The following KIF3A variants were observed in gnomAD, a reference collection of about 807,000 sequenced individuals.
The protein encoded by KIF3A is kinesin-like protein KIF3A.
A neutral mutation model predicts 92.6 loss-of-function variants in KIF3A; 27 were observed. The ratio of observed to expected loss-of-function variants is 0.29; its 90% CI spans 0.21 to 0.40. The LOEUF (loss-of-function observed/expected upper bound fraction) is 0.40. Among genes scored for constraint, KIF3A ranks in the 10% least tolerant of loss-of-function variants. KIF3A has a pLI of 1.00. For missense variants in KIF3A, 581 were observed against 872.6 expected (o/e 0.67, Z 4.21); for synonymous variants, 250 against 275.4 (o/e 0.91, Z 0.92).
chr5:132,734,990 A>C (rs1426084266), intron 1 of KIF3A, among the ~76,000 whole-genome samples: 1 of 152,238 alleles, frequency 6.6e-6, no homozygotes, highest in African/African-American at 2.4e-5. Context: ...TAAAGACAGA[A>C]ATGAAAGTCT....
chr5:132,724,769 G>T, intron 4 of KIF3A, among the ~76,000 whole-genome samples: 1 of 127,326 alleles, frequency 7.9e-6, no homozygotes, highest in African/African-American at 3.1e-5. Context: ...TCGTGCACAT[G>T]TACCCTAGAA....
At chr5:132,724,812 TATATATATATATATATATATATATATA>T (rs1753971671) in intron 4 of KIF3A, among the ~76,000 whole-genome samples, 1 of 12,456 alleles carries the variant, frequency 8.0e-5, no homozygotes, top group African/African-American at 2.4e-4. Flanking sequence ...AAAAAATATA[TATATATATATATATATATATATATATA>T]TATATATATA....
chr5:132,697,344 C>T lies in KIF3A; in HGVS notation c.2133-662G>A, dbSNP rs77655822. On this transcript the variant is annotated intron_variant, in intron 18 of 18. Transcript: ENST00000403231. ...TTGGCTCATATAATGTTGGGCCACACGATTTTTTTAATGTTAAACTAAAAA... is the reference window on the plus strand; with the variant it reads ...TTGGCTCATATAATGTTGGGCCACATGATTTTTTTAATGTTAAACTAAAAA... Among the ~76,000 whole-genome samples the T allele has an allele frequency of 3.4e-4, 52 of 150,900 alleles. No homozygotes were observed. The East Asian group carries it at 9.7e-3, about 28-fold the overall frequency.
At chr5:132,703,648 A>G in intron 11 of KIF3A, 29 bp from the exon 12 acceptor site, 1 of 1,536,660 alleles carries the variant, frequency 6.5e-7, no homozygotes, top group South Asian at 1.2e-5. Context: ...TGCAACAATC[A>G]CTAAAATGAA....
chr5:132,716,716 A>G (rs1753638232), intron 6 of KIF3A, 129 bp downstream of exon 6: 1 of 1,031,266 alleles, frequency 9.7e-7, no homozygotes, highest in Non-Finnish European at 1.4e-6. Context: ...ATAATAAATA[A>G]TAAACATACA....
At chr5:132,709,809 A>AT (rs534053676) in intron 9 of KIF3A, among the ~76,000 whole-genome samples, 123 of 152,358 alleles carry the variant, frequency 8.1e-4, no homozygotes, top group Middle Eastern at 3.4e-3. Context: ...TTTTAATAAA[A>AT]TTTTATTTAC....
At chr5:132,698,487 TG>T (rs1752912954) in intron 18 of KIF3A, among the ~76,000 whole-genome samples, 1 of 152,144 alleles carries the variant, frequency 6.6e-6, no homozygotes, top group South Asian at 2.1e-4. Flanking sequence ...TCAAGGTTCT[TG>T]GGGCACCTGA....
At chr5:132,709,392 G>C (rs1186097151) in intron 9 of KIF3A, among the ~76,000 whole-genome samples, 2 of 152,146 alleles carry the variant, frequency 1.3e-5, no homozygotes, top group African/African-American at 4.8e-5. Context: ...TTATAGGAGT[G>C]ATAAATTACC....
intron 2 of KIF3A, among the ~76,000 whole-genome samples, chr5:132,732,023 G>A (rs1754249317): frequency 6.6e-6 from 1 of 151,950 alleles, no homozygotes; most frequent in South Asian, 2.1e-4. Flanking sequence ...ATTCTTACAA[G>A]TAGAAAATCC....
intron 1 of KIF3A, among the ~76,000 whole-genome samples, chr5:132,736,513 A>G (rs989627417): frequency 2.0e-5 from 3 of 152,228 alleles, no homozygotes; most frequent in African/African-American, 7.2e-5. Context: ...TCCAAGTTCA[A>G]GAACCTGACT....
intron 1 of KIF3A, among the ~76,000 whole-genome samples, chr5:132,734,691 G>A (rs1257617156): frequency 6.6e-6 from 1 of 152,192 alleles, no homozygotes; most frequent in African/African-American, 2.4e-5. Context: ...CTTTTAAAAT[G>A]TAAAAGGGAG....
At chr5:132,729,405 T>C (rs1207347859) in intron 2 of KIF3A, among the ~76,000 whole-genome samples, 1 of 152,128 alleles carries the variant, frequency 6.6e-6, no homozygotes, top group South Asian at 2.1e-4. Flanking sequence ...TGAGCCGTTA[T>C]AGTGCCACTG....
At chr5:132,732,201 C>T (rs1346945375) in intron 2 of KIF3A, among the ~76,000 whole-genome samples, 1 of 152,166 alleles carries the variant, frequency 6.6e-6, no homozygotes, top group Admixed American at 6.5e-5. Flanking sequence ...AAATCAGAAA[C>T]CTCACACATT....
At chr5:132,728,314 T>C (rs1299701405) in intron 2 of KIF3A, among the ~76,000 whole-genome samples, 10 of 152,176 alleles carry the variant, frequency 6.6e-5, no homozygotes. Context: ...AGAATCCTCC[T>C]GCCTGTAATC....
intron 2 of KIF3A, among the ~76,000 whole-genome samples, chr5:132,732,659 C>T (rs1416952039): frequency 6.6e-6 from 1 of 152,156 alleles, no homozygotes; most frequent in African/African-American, 2.4e-5. Context: ...CCTGTAATCC[C>T]AGCACTTTCA....
At chr5:132,724,829 AT>A (rs1561708991) in intron 4 of KIF3A, among the ~76,000 whole-genome samples, 3 of 42,420 alleles carry the variant, frequency 7.1e-5, no homozygotes, top group African/African-American at 1.7e-4. Flanking sequence ...ATATATATAT[AT>A]ATATATATAT....
chr5:132,708,423 G>A (rs1472158788), intron 10 of KIF3A, among the ~76,000 whole-genome samples: 1 of 151,896 alleles, frequency 6.6e-6, no homozygotes, highest in Non-Finnish European at 1.5e-5. Context: ...TTATTTGGGA[G>A]CCTTTAATCT....
intron 2 of KIF3A, among the ~76,000 whole-genome samples, chr5:132,729,844 G>A (rs1382568889): frequency 6.6e-6 from 1 of 151,386 alleles, no homozygotes; most frequent in Non-Finnish European, 1.5e-5. Context: ...AGAAAGAAAA[G>A]AGGAAATTAA....
chr5:132,699,338 G>A (rs1483492521), intron 17 of KIF3A, 43 bp from the exon 18 acceptor site: 8 of 1,593,642 alleles, frequency 5.0e-6, no homozygotes, highest in Non-Finnish European at 6.0e-6. Context: ...AAGGCAAAGA[G>A]TTAAAGCCAG....
Sources: gnomAD v4.1 joint callset for allele counts (sites outside exome capture counted in the v4.1 genomes callset) on GRCh38, gnomAD v4.1.1 for gene constraint, MANE v1.5 for transcripts, NCBI Gene and HGNC (gene_info 2026-07-23, HGNC 2026-07-21) for gene names.